Variants in CCSER1 observed in about 807,000 individuals in gnomAD.
CCSER1 encodes coiled-coil serine rich protein 1.
CCSER1 carries 41 observed loss-of-function variants against 82.0 expected under a neutral mutation model. The observed-to-expected ratio is 0.50, with a 90% CI of 0.39 to 0.65. The LOEUF is 0.65. Ranked by LOEUF, CCSER1 falls within the 30% of genes least tolerant of loss-of-function variation. The pLI is 0.00. For missense variants in CCSER1, 1,119 were observed against 1,064.2 expected, an observed-to-expected ratio of 1.05 and a Z score of -0.72; for synonymous variants, 414 against 383.9, an observed-to-expected ratio of 1.08 and a Z score of -0.92.
At chr4:91,474,172 G>A (rs1032338933) in intron 10 of CCSER1, among the ~76,000 whole-genome samples, 2 of 151,722 alleles carry the variant, frequency 1.3e-5, no homozygotes, top group African/African-American at 2.4e-5. Flanking sequence ...TTAAACACTG[G>A]GTGGGATTAA....
At chr4:91,595,895 T>G (rs928942355) in intron 10 of CCSER1, among the ~76,000 whole-genome samples, 1 of 137,644 alleles carries the variant, frequency 7.3e-6, no homozygotes, top group Non-Finnish European at 1.5e-5. Context: ...TGCAATCTCC[T>G]ATGTCCACTA....
chr4:90,596,210 A>C (rs551923718), intron 5 of CCSER1, among the ~76,000 whole-genome samples: 4 of 152,088 alleles, frequency 2.6e-5, no homozygotes, highest in Admixed American at 2.6e-4. Context: ...ACATGTGTTA[A>C]ACTAAAAACA....
chr4:90,966,276 T>A (rs1454628984), intron 9 of CCSER1, among the ~76,000 whole-genome samples: 1 of 151,960 alleles, frequency 6.6e-6, no homozygotes, highest in Non-Finnish European at 1.5e-5. Context: ...TGTGGTATAA[T>A]TTAAAGAGAT....
At chr4:90,178,403 T>G (rs1350194681) in intron 1 of CCSER1, among the ~76,000 whole-genome samples, 2 of 152,124 alleles carry the variant, frequency 1.3e-5, no homozygotes, top group Non-Finnish European at 1.5e-5. Flanking sequence ...TCTCTCCCAT[T>G]TTTAGGGCAG....
intron 10 of CCSER1, among the ~76,000 whole-genome samples, chr4:91,473,291 C>T (rs1757385319): frequency 1.3e-5 from 2 of 152,152 alleles, no homozygotes; most frequent in African/African-American, 2.4e-5. Flanking sequence ...GTAGGGCATA[C>T]AAAGGAACAT....
chr4:90,843,466 T>G (rs1207598127), intron 8 of CCSER1, among the ~76,000 whole-genome samples: 1 of 152,190 alleles, frequency 6.6e-6, no homozygotes, highest in Non-Finnish European at 1.5e-5. Context: ...TGGGTATCAT[T>G]TTGCTCTTAA....
intron 1 of CCSER1, among the ~76,000 whole-genome samples, chr4:90,267,922 A>G (rs750515697): frequency 3.9e-5 from 6 of 152,216 alleles, no homozygotes; most frequent in Non-Finnish European, 5.9e-5. Flanking sequence ...CAAATAACCT[A>G]CAATGGAGTT....
At chr4:90,720,830 T>C (rs1311851170) in intron 6 of CCSER1, among the ~76,000 whole-genome samples, 1 of 152,026 alleles carries the variant, frequency 6.6e-6, no homozygotes, top group African/African-American at 2.4e-5. Context: ...TATGAGAAGA[T>C]GTAACACTCA....
intron 10 of CCSER1, among the ~76,000 whole-genome samples, chr4:91,286,629 A>G (rs192624711): frequency 6.6e-6 from 1 of 151,982 alleles, no homozygotes; most frequent in East Asian, 1.9e-4. Context: ...TGTGACCCAT[A>G]GATTATTGCC....
chr4:91,492,711 C>T (rs568702244), intron 10 of CCSER1, among the ~76,000 whole-genome samples: 1 of 152,138 alleles, frequency 6.6e-6, no homozygotes, highest in South Asian at 2.1e-4. Context: ...GGCAATTTCT[C>T]TCTGGTCTAA....
intron 7 of CCSER1, among the ~76,000 whole-genome samples, chr4:90,776,505 C>A (rs1378225789): frequency 6.6e-6 from 1 of 152,082 alleles, no homozygotes; most frequent in Admixed American, 6.6e-5. Flanking sequence ...ATTAATGTCA[C>A]CTATTAAGGT....
intron 9 of CCSER1, among the ~76,000 whole-genome samples, chr4:90,995,869 T>G (rs951021593): frequency 1.3e-5 from 2 of 152,064 alleles, no homozygotes; most frequent in African/African-American, 4.8e-5. Flanking sequence ...TCTGATTCTT[T>G]TGTTATTCTT....
intron 8 of CCSER1, among the ~76,000 whole-genome samples, chr4:90,884,666 T>C (rs1464606212): frequency 5.3e-5 from 8 of 152,108 alleles, no homozygotes; most frequent in Non-Finnish European, 7.4e-5. Context: ...TATTTTAAAA[T>C]GTGTTTCTAT....
At position 91,496,672 on chromosome 4, in the gene CCSER1, AATATATT is replaced by A. The variant is rs1758863189; in HGVS notation, c.2218-101899_2218-101893del. Among the ~76,000 whole-genome samples, 3 of 23,028 alleles carry A rather than the reference AATATATT, an allele frequency of 1.3e-4. 1 individual carries two copies. Among genetic ancestry groups the A allele is most frequent in the African/African-American group, 3.4e-4 (3 of 8,744 alleles). 15.1% of individuals were successfully genotyped at this position (23,028 alleles called of 152,430 possible). ...ATATATATTGAATATATATATATTC[AATATATT>A]TGAATATATATATATTCAATATATA... On this transcript the variant is annotated intron_variant, in intron 10 of 10. Coordinates refer to ENST00000509176, the MANE Select transcript of CCSER1 (RefSeq NM_001145065.2).
rs1178993868 is a variant in CCSER1 at position 90,948,979 on chromosome 4, A to G, written c.2172+25532A>G. 1.3e-5 allele frequency among the ~76,000 whole-genome samples: 2 copies of G among 152,100 alleles called. 1 individual carries two copies. The highest frequency in any genetic ancestry group is 1.3e-4 in the Admixed American group (2 of 15,254). ...TTTTAATGTTATTATAATTAGCGTA[A>G]CAAGAATATGTCTGACGTGGAATGT... On this transcript the variant is annotated intron_variant, in intron 9 of 10. Transcript: ENST00000509176.
chr4:91,151,992 A>T (rs1171834619), intron 10 of CCSER1, among the ~76,000 whole-genome samples: 11 of 152,122 alleles, frequency 7.2e-5, no homozygotes, highest in Non-Finnish European at 1.2e-4. Context: ...TATTAGGTCC[A>T]CTTAGTGCAG....
intron 8 of CCSER1, among the ~76,000 whole-genome samples, chr4:90,919,344 T>C: frequency 6.6e-6 from 1 of 151,882 alleles, no homozygotes; most frequent in East Asian, 1.9e-4. Context: ...AAGGTTTTCA[T>C]CTGGGCTGCT....
At chr4:91,253,036 C>T (rs919019104) in intron 10 of CCSER1, among the ~76,000 whole-genome samples, 12 of 151,868 alleles carry the variant, frequency 7.9e-5, no homozygotes, top group Admixed American at 2.0e-4. Flanking sequence ...AGAGGGTGAT[C>T]GAGCTACAGT....
chr4:90,554,669 C>T (rs914809628), intron 5 of CCSER1, among the ~76,000 whole-genome samples: 8 of 152,272 alleles, frequency 5.3e-5, no homozygotes, highest in Middle Eastern at 3.4e-3. Flanking sequence ...GGAGAATATC[C>T]AAATTTTAAG....
Sources: allele counts gnomAD v4.1 joint callset (sites outside exome capture counted in the v4.1 genomes callset), GRCh38; gene constraint gnomAD v4.1.1; transcripts MANE v1.5; gene names NCBI Gene and HGNC (gene_info 2026-07-23, HGNC 2026-07-21).